Variants in PXDNL observed in about 807,000 individuals in gnomAD.
PXDNL encodes peroxidasin like.
Under a neutral mutation model 150.8 loss-of-function variants are expected in PXDNL, and 145 were observed. The observed-to-expected ratio is 0.96, with a 90% CI of 0.84 to 1.10. The LOEUF is 1.10. Ranked by LOEUF, PXDNL falls within the 50% of genes least tolerant of loss-of-function variation. The pLI is 0.00. For synonymous variants in PXDNL, 757 were observed against 725.7 expected, an observed-to-expected ratio of 1.04 and a Z score of -0.69; for missense variants, 2,087 against 1,873.9, an observed-to-expected ratio of 1.11 and a Z score of -2.10.
At chr8:51,374,481 C>T (rs2977003) in intron 18 of PXDNL, 116 bp downstream of exon 18, 801,584 of 962,334 alleles carry the variant, frequency 0.83, 334,508 homozygotes, top group East Asian at 0.94. Flanking sequence ...ATCTGATATT[C>T]ATTATACTCA....
At chr8:51,571,697 A>C (rs1812948266) in intron 3 of PXDNL, among the ~76,000 whole-genome samples, 1 of 151,884 alleles carries the variant, frequency 6.6e-6, no homozygotes, top group African/African-American at 2.4e-5. Context: ...TGTTAAGCTC[A>C]ATATCATAGG....
intron 12 of PXDNL, among the ~76,000 whole-genome samples, chr8:51,441,950 G>C (rs1479123382): frequency 6.6e-6 from 1 of 152,058 alleles, no homozygotes; most frequent in Non-Finnish European, 1.5e-5. Flanking sequence ...AGAGCACCCT[G>C]ATGACCAAAT....
At chr8:51,601,188 A>G (rs1813713137) in intron 2 of PXDNL, among the ~76,000 whole-genome samples, 1 of 151,696 alleles carries the variant, frequency 6.6e-6, no homozygotes, top group Non-Finnish European at 1.5e-5. Flanking sequence ...GAGAGAATAT[A>G]TATTCTGTGG....
chr8:51,808,469 T>C (rs1413766639), intron 1 of PXDNL, among the ~76,000 whole-genome samples: 1 of 152,206 alleles, frequency 6.6e-6, no homozygotes, highest in Non-Finnish European at 1.5e-5. Context: ...CTTAATTTAA[T>C]CTAAATAAAT....
At chr8:51,415,697 T>C (rs1563402533) in intron 14 of PXDNL, among the ~76,000 whole-genome samples, 2 of 152,174 alleles carry the variant, frequency 1.3e-5, no homozygotes, top group Non-Finnish European at 2.9e-5. Flanking sequence ...CATACATGGA[T>C]GGACACTTAA....
intron 12 of PXDNL, among the ~76,000 whole-genome samples, chr8:51,446,713 A>G (rs1283112592): frequency 6.6e-6 from 1 of 152,196 alleles, no homozygotes; most frequent in Admixed American, 6.5e-5. Flanking sequence ...AAGACAGTCT[A>G]GGCAAGTAGG....
chr8:51,438,236 C>T (rs117130718), intron 12 of PXDNL, among the ~76,000 whole-genome samples: 3,597 of 152,220 alleles, frequency 0.024, 57 homozygotes, highest in Non-Finnish European at 0.04. Context: ...AATGACCATA[C>T]TGACAAAAGC....
intron 1 of PXDNL, among the ~76,000 whole-genome samples, chr8:51,757,285 C>G (rs1233229564): frequency 6.6e-6 from 1 of 152,158 alleles, no homozygotes; most frequent in African/African-American, 2.4e-5. Context: ...TATTCTGAAT[C>G]AGATTGTTTT....
intron 12 of PXDNL, 53 bp from the exon 13 acceptor site, chr8:51,426,811 C>A (rs142197882): frequency 2.2e-5 from 23 of 1,049,272 alleles, no homozygotes; most frequent in Middle Eastern, 4.0e-4. Context: ...TTTTTGTCAA[C>A]ATATGCCAGC....
intron 1 of PXDNL, among the ~76,000 whole-genome samples, chr8:51,734,993 C>A (rs1281149939): frequency 6.6e-6 from 1 of 152,122 alleles, no homozygotes; most frequent in East Asian, 1.9e-4. Flanking sequence ...AACATGGTGA[C>A]TATGGTTAAT....
At chr8:51,796,430 G>A (rs2037561306) in intron 1 of PXDNL, among the ~76,000 whole-genome samples, 1 of 149,824 alleles carries the variant, frequency 6.7e-6, no homozygotes, top group Non-Finnish European at 1.5e-5. Flanking sequence ...CTACTAGCTA[G>A]ACTAATAAAG....
chr8:51,604,913 A>G (rs1291909479), intron 2 of PXDNL, among the ~76,000 whole-genome samples: 1 of 152,214 alleles, frequency 6.6e-6, no homozygotes, highest in South Asian at 2.1e-4. Context: ...GTAGAACTAT[A>G]ATGCTACCAT....
intron 1 of PXDNL, among the ~76,000 whole-genome samples, chr8:51,695,867 C>T (rs966543946): frequency 2.0e-5 from 3 of 152,166 alleles, no homozygotes; most frequent in African/African-American, 7.2e-5. Context: ...CATGCTCCCT[C>T]GACTATTACT....
In PXDNL at chr8:51,809,201, T is replaced by A; in HGVS notation, c.144A>T (p.Val48=). 1 of 1,613,888 alleles carries A rather than the reference T, an allele frequency of 6.2e-7. No individual in the cohort carries two copies. The highest frequency in any genetic ancestry group is 2.2e-5 in the East Asian group (1 of 44,858). ...CTTACAGAACTGTGGTCTGCTGTGG[T>A]ACCTGAGGAATGTGGTCCAGCATCA... ...MHLMLDHIPQ[V]PQQTTVLDLR... is the part of the protein sequence containing the mutation. Residue 48 remains valine, a synonymous_variant, in exon 1 of 23, where the codon GTA becomes GTT. Coordinates refer to ENST00000356297, the MANE Select transcript of PXDNL (RefSeq NM_144651.5).
chr8:51,650,650 CT>C (rs1368661606), intron 2 of PXDNL, among the ~76,000 whole-genome samples: 2 of 152,146 alleles, frequency 1.3e-5, no homozygotes, highest in African/African-American at 4.8e-5. Flanking sequence ...AAGACTTGGT[CT>C]CATGTTGGTG....
At chr8:51,348,972 T>G (rs1309896147) in intron 19 of PXDNL, among the ~76,000 whole-genome samples, 1 of 152,206 alleles carries the variant, frequency 6.6e-6, no homozygotes, top group Non-Finnish European at 1.5e-5. Context: ...ATTTGTTAAC[T>G]GAATGAATGG....
chr8:51,704,002 C>T (rs1009846691), intron 1 of PXDNL, among the ~76,000 whole-genome samples: 5 of 152,192 alleles, frequency 3.3e-5, no homozygotes, highest in Admixed American at 6.5e-5. Flanking sequence ...CCAAAACCAA[C>T]GTACTACAAA....
chr8:51,320,803 C>G lies in PXDNL; in HGVS notation c.4241G>C (p.Cys1414Ser). 3.7e-6 allele frequency: 6 copies of G among 1,613,492 alleles called. No homozygotes were observed. Among genetic ancestry groups the G allele is most frequent in the Non-Finnish European group, 5.1e-6 (6 of 1,179,530 alleles). Reference protein sequence around the residue: ...KAEERWMKEDCTHCICESGQV... With the variant: ...KAEERWMKEDSTHCICESGQV... Reference sequence around the variant, plus strand: ...ACAAACCTCACAAATGCAGTGAGTGCAGTCTTCTTTCATCCAGCGCTCCTC... The same window carrying G: ...ACAAACCTCACAAATGCAGTGAGTGGAGTCTTCTTTCATCCAGCGCTCCTC... The change falls in exon 22 of 23, where the codon TGC (cysteine) becomes TCC (serine). Residue 1414 changes from cysteine (C) to serine (S), a missense_variant. Coordinates refer to ENST00000356297, the MANE Select transcript of PXDNL (RefSeq NM_144651.5).
chr8:51,550,261 A>G (rs1295702213), intron 4 of PXDNL, among the ~76,000 whole-genome samples: 1 of 152,190 alleles, frequency 6.6e-6, no homozygotes, highest in African/African-American at 2.4e-5. Context: ...AGACATCCAA[A>G]TAAGAATTGG....
Sources: allele counts gnomAD v4.1 joint callset (sites outside exome capture counted in the v4.1 genomes callset), GRCh38; gene constraint gnomAD v4.1.1; transcripts MANE v1.5; gene names NCBI Gene and HGNC (gene_info 2026-07-23, HGNC 2026-07-21).